DLG2: variants seen among roughly 807,000 people sequenced by gnomAD.
DLG2 encodes the protein discs large MAGUK scaffold protein 2.
DLG2 carries 45 observed loss-of-function variants against 132.5 expected under a neutral mutation model. That is an observed-to-expected ratio of 0.34 (90% CI 0.27 to 0.44). The LOEUF (loss-of-function observed/expected upper bound fraction) is 0.44, where lower values mean the gene tolerates loss of function less well. Ranked by LOEUF, DLG2 falls within the 20% of genes least tolerant of loss-of-function variation. The probability of loss-of-function intolerance (pLI) is 1.00; values close to 1 mark genes in which losing one functional copy is unlikely to be tolerated. For missense variants in DLG2, 1,045 were observed against 1,196.9 expected, an observed-to-expected ratio of 0.87 and a Z score of 1.87; for synonymous variants, 424 against 419.6, an observed-to-expected ratio of 1.01 and a Z score of -0.13.
At chr11:84,227,166 G>C (rs2097011767) in intron 8 of DLG2, among the ~76,000 whole-genome samples, 1 of 152,036 alleles carries the variant, frequency 6.6e-6, no homozygotes, top group African/African-American at 2.4e-5. Context: ...GGTAGGAGGA[G>C]GGGTGAGGCT....
rs540450136 is a variant in DLG2, at chr11:83,724,663, T to G, written c.1825+62027A>C. 2.2e-4 allele frequency among the ~76,000 whole-genome samples: 33 copies of G among 152,192 alleles called. 1 individual carries two copies. In the South Asian group the frequency reaches 6.8e-3, roughly 32 times the overall value. On this transcript the variant is annotated intron_variant, in intron 18 of 27. Transcript: ENST00000376104. Reference sequence around the variant, plus strand: ...GATTGTTGTTCTCACAGAACACAGATAGCAACAGACATGAAAACAGAGCCA... The same window carrying G: ...GATTGTTGTTCTCACAGAACACAGAGAGCAACAGACATGAAAACAGAGCCA...
At chr11:84,898,395 T>A (rs924662960) in intron 6 of DLG2, among the ~76,000 whole-genome samples, 1 of 151,900 alleles carries the variant, frequency 6.6e-6, no homozygotes, top group African/African-American at 2.4e-5. Flanking sequence ...TTAGCTACCA[T>A]CCTATCAATC....
At chr11:84,846,691 C>T (rs1477572988) in intron 6 of DLG2, among the ~76,000 whole-genome samples, 3 of 152,098 alleles carry the variant, frequency 2.0e-5, no homozygotes, top group Non-Finnish European at 4.4e-5. Context: ...AGTCCCTTCC[C>T]ACAAGGAACT....
intron 3 of DLG2, among the ~76,000 whole-genome samples, chr11:85,336,992 A>C (rs1428813778): frequency 1.3e-5 from 2 of 152,194 alleles, no homozygotes; most frequent in African/African-American, 2.4e-5. Flanking sequence ...TTTGACACAA[A>C]AACTATTATT....
intron 6 of DLG2, among the ~76,000 whole-genome samples, chr11:84,649,096 T>C (rs991571320): frequency 6.6e-6 from 1 of 152,220 alleles, no homozygotes; most frequent in Non-Finnish European, 1.5e-5. Context: ...TCCAAGTACT[T>C]AAGCTATATA....
intron 3 of DLG2, among the ~76,000 whole-genome samples, chr11:85,595,472 A>C (rs1399750139): frequency 6.6e-6 from 1 of 152,188 alleles, no homozygotes; most frequent in African/African-American, 2.4e-5. Context: ...GTATTACCAC[A>C]AGATGTCACC....
intron 19 of DLG2, among the ~76,000 whole-genome samples, chr11:83,601,701 T>TC (rs1228390013): frequency 1.3e-5 from 2 of 151,432 alleles, no homozygotes; most frequent in African/African-American, 2.4e-5. Flanking sequence ...TTTCTTTCTT[T>TC]TTTTTTTTGG....
chr11:84,491,206 C>T (rs115771421), intron 7 of DLG2, among the ~76,000 whole-genome samples: 53 of 152,140 alleles, frequency 3.5e-4, no homozygotes, highest in African/African-American at 1.1e-3. Context: ...TGAATTCCCA[C>T]GTATTGTGGG....
rs545090546 is a variant in DLG2, at chr11:83,810,045, G to A, written c.1723-23253C>T. Among the ~76,000 whole-genome samples the A allele has an allele frequency of 1.1e-4, 16 of 152,208 alleles. No individual in the cohort carries two copies. The East Asian group carries it at 2.9e-3, about 28-fold the overall frequency. On this transcript the variant is annotated intron_variant, in intron 17 of 27. Transcript: ENST00000376104. ...AGCATAAATCACTCACCAACAAATTGTATAAACTACAATGTGTTTTCCAGG... is the reference window on the plus strand; with the variant it reads ...AGCATAAATCACTCACCAACAAATTATATAAACTACAATGTGTTTTCCAGG...
chr11:84,729,528 G>A (rs2062899260), intron 6 of DLG2, among the ~76,000 whole-genome samples: 1 of 152,108 alleles, frequency 6.6e-6, no homozygotes, highest in African/African-American at 2.4e-5. Flanking sequence ...TAAGTGTAAT[G>A]AGGTGCTGAG....
At chr11:85,563,796 G>C (rs979928746) in intron 3 of DLG2, among the ~76,000 whole-genome samples, 1 of 152,012 alleles carries the variant, frequency 6.6e-6, no homozygotes. Context: ...ACAATGCTTT[G>C]TGTGATCAAA....
chr11:83,554,300 C>G (rs2096467605), intron 19 of DLG2, among the ~76,000 whole-genome samples: 1 of 152,302 alleles, frequency 6.6e-6, no homozygotes, highest in East Asian at 1.9e-4. Context: ...ACATGTTTGG[C>G]AACAGGATAA....
chr11:83,699,881 CTATGTATGTATG>C (rs36080078), intron 18 of DLG2, among the ~76,000 whole-genome samples: 1 of 147,594 alleles, frequency 6.8e-6, no homozygotes, highest in Non-Finnish European at 1.5e-5. Context: ...GTCTGTCTTT[CTATGTATGTATG>C]TATGTATGTA....
At chr11:84,716,944 G>A (rs2061308618) in intron 6 of DLG2, among the ~76,000 whole-genome samples, 1 of 151,984 alleles carries the variant, frequency 6.6e-6, no homozygotes, top group African/African-American at 2.4e-5. Flanking sequence ...AGCATGGAAA[G>A]ACACTCCATG....
At chr11:84,345,448 C>T (rs2154408028) in intron 7 of DLG2, among the ~76,000 whole-genome samples, 1 of 152,264 alleles carries the variant, frequency 6.6e-6, no homozygotes, top group Admixed American at 6.5e-5. Context: ...TCCCAAACTA[C>T]TAATAATTTT....
At chr11:83,616,447 A>G (rs1289183872) in intron 19 of DLG2, among the ~76,000 whole-genome samples, 1 of 152,138 alleles carries the variant, frequency 6.6e-6, no homozygotes, top group Non-Finnish European at 1.5e-5. Flanking sequence ...ACCGTTTTAC[A>G]TATCCTCTTT....
intron 15 of DLG2, among the ~76,000 whole-genome samples, chr11:83,887,006 A>T (rs1450829524): frequency 6.6e-6 from 1 of 152,172 alleles, no homozygotes; most frequent in East Asian, 1.9e-4. Context: ...GGAAAGATCC[A>T]AAATTGACAC....
intron 18 of DLG2, among the ~76,000 whole-genome samples, chr11:83,721,989 A>G (rs1002965093): frequency 1.5e-4 from 23 of 152,222 alleles, no homozygotes; most frequent in Non-Finnish European, 2.4e-4. Flanking sequence ...TATAAAAAAT[A>G]CTTGCTCTGT....
chr11:83,760,325 C>T (rs1422837603), intron 18 of DLG2, among the ~76,000 whole-genome samples: 1 of 152,202 alleles, frequency 6.6e-6, no homozygotes, highest in African/African-American at 2.4e-5. Flanking sequence ...AATTGAGGCT[C>T]AAAAGAGGCT....
Sources: gnomAD v4.1 joint callset for allele counts (sites outside exome capture counted in the v4.1 genomes callset) on GRCh38, gnomAD v4.1.1 for gene constraint, MANE v1.5 for transcripts, NCBI Gene and HGNC (gene_info 2026-07-23, HGNC 2026-07-21) for gene names.